The following SLA variants were observed in gnomAD, a reference collection of about 807,000 sequenced individuals.
The protein encoded by SLA is src-like-adapter.
A neutral mutation model predicts 30.3 loss-of-function variants in SLA; 16 were observed. The observed-to-expected ratio is 0.53, with a 90% CI of 0.36 to 0.80. SLA has a LOEUF of 0.80. Ranked by LOEUF, SLA falls within the 30% of genes least tolerant of loss-of-function variation. The probability of loss-of-function intolerance (pLI) is 0.01; values close to 1 mark genes in which losing one functional copy is unlikely to be tolerated. For synonymous variants in SLA, 143 were observed against 137.8 expected, an observed-to-expected ratio of 1.04 and a Z score of -0.26; for missense variants, 310 against 345.2, an observed-to-expected ratio of 0.90 and a Z score of 0.81.
At chr8:133,070,029 AAG>A (rs1564149270) in intron 2 of SLA, among the ~76,000 whole-genome samples, 1 of 109,792 alleles carries the variant, frequency 9.1e-6, no homozygotes, top group African/African-American at 3.9e-5. Flanking sequence ...AAAAAAAAGA[AAG>A]AAAGAAAGAA....
chr8:133,094,846 C>CAT, intron 1 of SLA: 1 of 700,044 alleles, frequency 1.4e-6, no homozygotes, highest in Non-Finnish European at 2.5e-6. Flanking sequence ...CCTAGAGAGA[C>CAT]ATCTTCAGTA....
chr8:133,092,758 A>G (rs1213401665), intron 1 of SLA, among the ~76,000 whole-genome samples: 1 of 152,078 alleles, frequency 6.6e-6, no homozygotes. Context: ...CCTGCCCCCG[A>G]GTGCTTTGTC....
intron 1 of SLA, among the ~76,000 whole-genome samples, chr8:133,088,586 C>T (rs963400755): frequency 6.6e-6 from 1 of 152,066 alleles, no homozygotes; most frequent in African/African-American, 2.4e-5. Flanking sequence ...ATGATGTGGC[C>T]CTTAGAAGGT....
At chr8:133,093,151 T>TTC (rs1158635793) in intron 1 of SLA, among the ~76,000 whole-genome samples, 6 of 151,638 alleles carry the variant, frequency 4.0e-5, no homozygotes, top group Non-Finnish European at 7.4e-5. Context: ...TTTTTTTTTT[T>TTC]AATTTAAAGT....
rs762606016 is a variant in SLA, at chr8:133,050,946, C to T, written c.62-31G>A. 3.9e-5 allele frequency: 52 copies of T among 1,348,722 alleles called. No individual in the cohort carries two copies. The South Asian group carries it at 5.8e-4, about 15-fold the overall frequency. 83.5% of individuals were successfully genotyped at this position (1,348,722 alleles called of 1,614,324 possible). On this transcript the variant is annotated intron_variant, in intron 3 of 8. Transcript: ENST00000338087. ...GAAACAAAGGCAAGGGGGAAGGGGGCAAGGTGCTTTTTATTCACAAGGAGC... is the reference window on the plus strand; with the variant it reads ...GAAACAAAGGCAAGGGGGAAGGGGGTAAGGTGCTTTTTATTCACAAGGAGC...
In SLA at chr8:133,063,201, C is replaced by A. The variant is rs114234434; in HGVS notation, c.-40-3001G>T. On this transcript the variant is annotated intron_variant, in intron 2 of 8. Coordinates refer to ENST00000338087, the MANE Select transcript of SLA (RefSeq NM_001045556.3). The stretch of plus-strand genomic sequence containing the variant: ...GCCTGACTCATCAACTGTCATTCAA[C>A]ACCTAGTGATTGTGCCCAGAACCCC... Among the ~76,000 whole-genome samples, 699 of 152,268 alleles carry A rather than the reference C, an allele frequency of 4.6e-3. 10 individuals are homozygous for A. Among genetic ancestry groups the A allele is most frequent in the African/African-American group, 0.015 (621 of 41,550 alleles).
intron 1 of SLA, among the ~76,000 whole-genome samples, chr8:133,091,210 G>A (rs1036450278): frequency 1.3e-5 from 2 of 152,224 alleles, no homozygotes; most frequent in Non-Finnish European, 2.9e-5. Flanking sequence ...GGGCTTTGTA[G>A]GAATTAACTC....
chr8:133,092,793 G>A (rs539172737), intron 1 of SLA, among the ~76,000 whole-genome samples: 7 of 152,148 alleles, frequency 4.6e-5, no homozygotes, highest in Non-Finnish European at 8.8e-5. Context: ...TTAAAATGAA[G>A]GCTGAGTCAA....
intron 3 of SLA, among the ~76,000 whole-genome samples, chr8:133,051,847 C>G (rs1840471093): frequency 1.3e-5 from 2 of 152,224 alleles, no homozygotes; most frequent in Admixed American, 6.5e-5. Flanking sequence ...TTTCATCACT[C>G]CACCTGCTGG....
rs376259266 is a variant in SLA at position 133,060,124 on chromosome 8, C to T, written c.37G>A (p.Glu13Lys). Residue 13 changes from glutamate to lysine, a missense_variant, in exon 3 of 9, where the codon GAG becomes AAG. Glu to Lys is a moderately conservative substitution (Grantham distance 56). Coordinates refer to ENST00000338087, the MANE Select transcript of SLA (RefSeq NM_001045556.3). The part of the protein sequence containing the change: ...NSMKSTPAPA[E>K]RPLPNPEGLD... ...CCCTCCGGGTTGGGCAGGGGCCTCT[C>T]GGCAGGCGCAGGGGTGGATTTCATG... 1.4e-5 allele frequency: 22 copies of T among 1,607,794 alleles called. No individual in the cohort carries two copies. Among genetic ancestry groups the T allele is most frequent in the South Asian group, 4.4e-5 (4 of 90,088 alleles).
intron 1 of SLA, among the ~76,000 whole-genome samples, chr8:133,088,237 G>A (rs2131586105): frequency 6.6e-6 from 1 of 151,400 alleles, no homozygotes. Flanking sequence ...CTGTGATGGA[G>A]GAGCCAGGCT....
chr8:133,082,148 T>C (rs1261914867), intron 1 of SLA, among the ~76,000 whole-genome samples: 1 of 152,108 alleles, frequency 6.6e-6, no homozygotes, highest in Non-Finnish European at 1.5e-5. Context: ...GTGTTGGTGG[T>C]GTTGGGTGTT....
intron 7 of SLA, 21 bp from the exon 8 acceptor site, chr8:133,040,151 C>A (rs369387375): frequency 3.8e-6 from 6 of 1,574,180 alleles, no homozygotes; most frequent in Non-Finnish European, 5.2e-6. Context: ...AAGCAGACAG[C>A]CGGTCAGGGA....
Position 133,037,800 on chromosome 8 carries a change from C to G in SLA, c.*724G>C, listed in dbSNP as rs1338421756. ...GCCATGGCTGCAGACATCAGGGAAG[C>G]TGGTGCAGTTCTAGTCTCGCCTCCT... On this transcript the variant is annotated 3_prime_UTR_variant, in exon 9 of 9. Coordinates refer to ENST00000338087, the MANE Select transcript of SLA (RefSeq NM_001045556.3). 1 of 152,236 alleles carries G rather than the reference C, an allele frequency of 6.6e-6. No homozygotes were observed. The highest frequency in any genetic ancestry group is 2.4e-5 in the African/African-American group (1 of 41,454). The allele number at this position is 152,236 out of a possible 1,614,324, so 9.4% of individuals were successfully genotyped here.
intron 1 of SLA, among the ~76,000 whole-genome samples, chr8:133,093,186 C>T (rs4236898): frequency 0.72 from 108,287 of 151,032 alleles, 39,249 homozygotes; most frequent in Non-Finnish European, 0.75. Flanking sequence ...TTAAAAAAAG[C>T]TGCCCTGCTC....
chr8:133,071,734 G>A (rs1193840119), intron 2 of SLA, among the ~76,000 whole-genome samples: 2 of 152,086 alleles, frequency 1.3e-5, no homozygotes, highest in Admixed American at 1.3e-4. Flanking sequence ...GAAACCGACT[G>A]CACTGACTAC....
chr8:133,072,064 G>A (rs867210023), intron 2 of SLA, among the ~76,000 whole-genome samples: 2 of 152,172 alleles, frequency 1.3e-5, no homozygotes, highest in South Asian at 4.1e-4. Context: ...GCACAAGCCA[G>A]CAACAATTCT....
intron 3 of SLA, among the ~76,000 whole-genome samples, chr8:133,053,369 G>C (rs1247543711): frequency 6.6e-6 from 1 of 152,180 alleles, no homozygotes. Context: ...TGCCACACCT[G>C]TTTTACAAAG....
rs779687400 is a variant in SLA, at chr8:133,089,210, G to A, written c.-319+13343C>T. On this transcript the variant is annotated intron_variant, in intron 1 of 8. Coordinates refer to ENST00000338087, the MANE Select transcript of SLA (RefSeq NM_001045556.3). ...CAGTCCATCCCACAGTCAACTAGCC[G>A]AGCCACCATCCTGACATTCATTTCC... 2.4e-3 allele frequency among the ~76,000 whole-genome samples: 361 copies of A among 152,236 alleles called. 5 individuals are homozygous for A. The highest frequency in any genetic ancestry group is 5.0e-4 in the Non-Finnish European group (34 of 68,000).
Sources: allele counts gnomAD v4.1 joint callset (sites outside exome capture counted in the v4.1 genomes callset), GRCh38; gene constraint gnomAD v4.1.1; transcripts MANE v1.5; gene names NCBI Gene and HGNC (gene_info 2026-07-23, HGNC 2026-07-21).